ATP8A2: variants seen among roughly 807,000 people sequenced by gnomAD.
ATP8A2 encodes the protein ATPase phospholipid transporting 8A2, also known as phospholipid-transporting ATPase IB.
Under a neutral mutation model 165.6 loss-of-function variants are expected in ATP8A2, and 100 were observed. The observed-to-expected ratio is 0.60, with a 90% CI of 0.51 to 0.71. The LOEUF is 0.71. Ranked by LOEUF, ATP8A2 falls within the 30% of genes least tolerant of loss-of-function variation. The pLI, the probability that ATP8A2 is intolerant of heterozygous loss-of-function variation, is 0.00. For synonymous variants in ATP8A2, 543 were observed against 548.8 expected (o/e 0.99, Z 0.15); for missense variants, 1,227 against 1,479.5 (o/e 0.83, Z 2.80).
chr13:25,869,224 G>GTCAGAAT (rs1952611480), intron 33 of ATP8A2, among the ~76,000 whole-genome samples: 1 of 152,256 alleles, frequency 6.6e-6, no homozygotes, highest in African/African-American at 2.4e-5. Context: ...CAACAGTTCT[G>GTCAGAAT]TCAGAATTGG....
At position 25,372,240 on chromosome 13, in the gene ATP8A2, G is replaced by A; in HGVS notation, c.28G>A (p.Ala10Thr). The A allele has an allele frequency of 6.1e-6, 9 of 1,479,592 alleles. No individual in the cohort carries two copies. The highest frequency in any genetic ancestry group is 8.1e-6 in the Non-Finnish European group (9 of 1,112,230). 91.7% of individuals were successfully genotyped at this position (1,479,592 alleles called of 1,614,324 possible). The change falls in exon 1 of 37, where the codon GCT becomes ACT. Residue 10 changes from alanine (A) to threonine (T), a missense_variant. Ala to Thr is a moderately conservative substitution (Grantham distance 58). Transcript: ENST00000381655. The surrounding 1 kb of genome is among the most constrained non-coding windows in gnomAD (Gnocchi z 4.8). Reference protein sequence around the residue: MLNGAGLDKALKMSLPRRSR... With the variant: MLNGAGLDKTLKMSLPRRSR... Reference sequence around the variant, plus strand: ...GCTGAACGGCGCAGGCCTGGACAAAGCTCTTAAGATGTCCCTGCCGCGGAG... The same window carrying A: ...GCTGAACGGCGCAGGCCTGGACAAAACTCTTAAGATGTCCCTGCCGCGGAG...
chr13:25,513,342 C>A (rs1317687032), intron 2 of ATP8A2, among the ~76,000 whole-genome samples: 23 of 151,484 alleles, frequency 1.5e-4, no homozygotes, highest in Non-Finnish European at 3.1e-4. Context: ...AGAGGCGCTC[C>A]CCACATCTCA....
rs79411009 is a variant in ATP8A2, at chr13:25,852,985, C to T, written c.2957-7210C>T. ...CTTCTCTTTGCTGCACCAAGTTCCTCATGTGAAATATGCACATAATTATAC... is the reference window on the plus strand; with the variant it reads ...CTTCTCTTTGCTGCACCAAGTTCCTTATGTGAAATATGCACATAATTATAC... On this transcript the variant is annotated intron_variant, in intron 30 of 36. Transcript: ENST00000381655. Among the ~76,000 whole-genome samples, 506 of 152,252 alleles carry T rather than the reference C, an allele frequency of 3.3e-3. 1 individual carries two copies. Among genetic ancestry groups the T allele is most frequent in the African/African-American group, 0.011 (475 of 41,556 alleles).
intron 20 of ATP8A2, among the ~76,000 whole-genome samples, chr13:25,577,536 T>A (rs558382049): frequency 1.3e-5 from 2 of 152,308 alleles, no homozygotes; most frequent in South Asian, 4.1e-4. Flanking sequence ...TCTTCTCAAT[T>A]GTTATGTTTT....
rs1423645900 is a variant in ATP8A2 at position 25,953,061 on chromosome 13, C to T, written c.3184-8514C>T. 2.6e-5 allele frequency among the ~76,000 whole-genome samples: 4 copies of T among 152,194 alleles called. No homozygotes were observed. Among genetic ancestry groups the T allele is most frequent in the Non-Finnish European group, 4.4e-5 (3 of 68,036 alleles). ...GGCTGAGAAGAGAAGGTGGCAATGG[C>T]AACTGCAAGGGTTCTTCCAAATCCG... On this transcript the variant is annotated intron_variant, in intron 33 of 36. Transcript: ENST00000381655. The surrounding 1 kb of genome is among the most constrained non-coding windows in gnomAD (Gnocchi z 6.7).
chr13:25,437,747 G>A (rs982867413), intron 1 of ATP8A2, among the ~76,000 whole-genome samples: 3 of 152,116 alleles, frequency 2.0e-5, no homozygotes, highest in Non-Finnish European at 2.9e-5. Context: ...ATATGTTAAG[G>A]GAAGCTCCTG....
intron 35 of ATP8A2, among the ~76,000 whole-genome samples, chr13:25,978,952 C>A (rs192378169): frequency 3.4e-4 from 52 of 152,004 alleles, no homozygotes; most frequent in Admixed American, 2.9e-3. Flanking sequence ...AAAAAAAAGC[C>A]TCAGGAGAAA....
chr13:25,766,250 T>C (rs1189083183), intron 25 of ATP8A2, among the ~76,000 whole-genome samples: 1 of 152,212 alleles, frequency 6.6e-6, no homozygotes. Flanking sequence ...GTCTCAGCAA[T>C]TCCTTTGCAC....
intron 2 of ATP8A2, among the ~76,000 whole-genome samples, chr13:25,487,461 G>T (rs946312874): frequency 2.0e-5 from 3 of 152,172 alleles, no homozygotes; most frequent in African/African-American, 7.2e-5. Context: ...ACAATGTATA[G>T]TTCATAGGAA....
intron 33 of ATP8A2, among the ~76,000 whole-genome samples, chr13:25,878,873 T>C (rs7321123): frequency 0.064 from 9,720 of 152,188 alleles, 788 homozygotes; most frequent in African/African-American, 0.17. Context: ...AACCATCAGC[T>C]GCCTTCCCAC....
At chr13:25,604,006 A>G (rs78693342) in intron 24 of ATP8A2, among the ~76,000 whole-genome samples, 16 of 152,068 alleles carry the variant, frequency 1.1e-4, no homozygotes, top group African/African-American at 3.4e-4. Flanking sequence ...TTGATAAGAG[A>G]TAGCAAATCT....
chr13:25,480,561 G>A lies in ATP8A2; in HGVS notation c.221+11440G>A, dbSNP rs1373840546. ...GCTCCCCACATCTCAGAAGATGGGC[G>A]GCCGGGCAGAGACGCTCCTCCCTTC... On this transcript the variant is annotated intron_variant, in intron 2 of 36. Transcript: ENST00000381655. 2.4e-4 allele frequency among the ~76,000 whole-genome samples: 36 copies of A among 150,622 alleles called. 2 individuals are homozygous for A. In the South Asian group the frequency reaches 4.5e-3, roughly 19 times the overall value.
At chr13:25,394,724 A>G (rs2033362955) in intron 1 of ATP8A2, among the ~76,000 whole-genome samples, 1 of 152,236 alleles carries the variant, frequency 6.6e-6, no homozygotes, top group South Asian at 2.1e-4. Flanking sequence ...AAAAAGGCTT[A>G]CTGTCCTTCC....
rs71080203 is a variant in ATP8A2 at position 25,829,668 on chromosome 13, GTATATATATATA to G, written c.2754+1518_2754+1529del. Among the ~76,000 whole-genome samples, 571 of 63,300 alleles carry G rather than the reference GTATATATATATA, an allele frequency of 9.0e-3. 13 individuals are homozygous for G. Among genetic ancestry groups the G allele is most frequent in the African/African-American group, 0.011 (180 of 16,062 alleles). The allele number at this position is 63,300 out of a possible 152,430, so 41.5% of individuals were successfully genotyped here. A position where few individuals can be genotyped will look rare whatever the true frequency, so the allele number is the denominator to read the frequency against. ...TGTTGTAGAGCCAAGGACAGGTGTGGTATATATATATATATATATATATATATATATATATAT... is the reference window on the plus strand; with the variant it reads ...TGTTGTAGAGCCAAGGACAGGTGTGGTATATATATATATATATATATATAT... On this transcript the variant is annotated intron_variant, in intron 28 of 36. Coordinates refer to ENST00000381655, the MANE Select transcript of ATP8A2 (RefSeq NM_016529.6).
chr13:25,378,906 C>T (rs13378354), intron 1 of ATP8A2, among the ~76,000 whole-genome samples: 247 of 152,298 alleles, frequency 1.6e-3, no homozygotes, highest in African/African-American at 5.7e-3. Flanking sequence ...TAGTGTTTTT[C>T]GCATATTTTT....
chr13:25,480,412 A>C (rs1252553149), intron 2 of ATP8A2, among the ~76,000 whole-genome samples: 2 of 148,256 alleles, frequency 1.3e-5, no homozygotes, highest in Non-Finnish European at 3.0e-5. Context: ...GGCGGTTGCC[A>C]GGCGGAGAGT....
At chr13:25,642,790 A>G (rs927523294) in intron 24 of ATP8A2, among the ~76,000 whole-genome samples, 1 of 152,214 alleles carries the variant, frequency 6.6e-6, no homozygotes, top group Non-Finnish European at 1.5e-5. Context: ...ACTATTCACA[A>G]TAGCAAATAT....
intron 33 of ATP8A2, among the ~76,000 whole-genome samples, chr13:25,862,998 AACAGTG>A (rs1952400967): frequency 6.6e-6 from 1 of 152,178 alleles, no homozygotes; most frequent in African/African-American, 2.4e-5. Flanking sequence ...TTGAGCCATC[AACAGTG>A]ACAAACTGTA....
At chr13:25,377,744 A>T (rs2032686657) in intron 1 of ATP8A2, among the ~76,000 whole-genome samples, 1 of 152,112 alleles carries the variant, frequency 6.6e-6, no homozygotes, top group Admixed American at 6.6e-5. Flanking sequence ...GTGAGCCAAG[A>T]TTGCACCATT....
Sources: gnomAD v4.1 joint callset for allele counts (sites outside exome capture counted in the v4.1 genomes callset) on GRCh38, gnomAD v4.1.1 for gene constraint, Gnocchi (gnomAD v3.1) non-coding constraint, MANE v1.5 for transcripts, NCBI Gene and HGNC (gene_info 2026-07-23, HGNC 2026-07-21) for gene names.